FBLN2: variants seen among roughly 807,000 people sequenced by gnomAD.
FBLN2 encodes the protein fibulin-2.
Under a neutral mutation model 123.7 loss-of-function variants are expected in FBLN2, and 81 were observed. That is an observed-to-expected ratio of 0.65 (90% CI 0.55 to 0.79). FBLN2 has a LOEUF of 0.79. Ranked by LOEUF, FBLN2 falls within the 30% of genes least tolerant of loss-of-function variation. The pLI is 0.00. For missense variants in FBLN2, 1,603 were observed against 1,681.3 expected (o/e 0.95, Z 0.81); for synonymous variants, 699 against 701.4 (o/e 1.00, Z 0.05).
chr3:13,626,422 T>C (rs760739237), intron 9 of FBLN2, 23 bp from the exon 10 acceptor site: 65 of 1,555,268 alleles, frequency 4.2e-5, no homozygotes, highest in Non-Finnish European at 5.7e-5. Flanking sequence ...CTGCAGCCTC[T>C]GATGGCCTCG....
chr3:13,627,533 A>T (rs1408158338), intron 10 of FBLN2, among the ~76,000 whole-genome samples: 1 of 152,192 alleles, frequency 6.6e-6, no homozygotes, highest in Non-Finnish European at 1.5e-5. Context: ...CCCTCCTTGT[A>T]AGATGGGGCT....
intron 1 of FBLN2, among the ~76,000 whole-genome samples, chr3:13,555,427 GTTTT>G (rs371110780): frequency 6.7e-6 from 1 of 148,394 alleles, no homozygotes; most frequent in African/African-American, 2.5e-5. Context: ...AGTGTTCCCT[GTTTT>G]TTTTTTATTT....
intron 9 of FBLN2, 39 bp from the exon 10 acceptor site, chr3:13,626,406 G>T: frequency 1.3e-6 from 2 of 1,532,398 alleles, no homozygotes; most frequent in East Asian, 2.4e-5. Flanking sequence ...CACTGTCCTG[G>T]GGACTCTGCA....
intron 2 of FBLN2, among the ~76,000 whole-genome samples, chr3:13,582,427 G>A (rs1403173291): frequency 1.3e-5 from 2 of 152,230 alleles, no homozygotes; most frequent in Non-Finnish European, 2.9e-5. Flanking sequence ...CAGGCTGTGG[G>A]CCTCTAGGAC....
intron 1 of FBLN2, among the ~76,000 whole-genome samples, chr3:13,565,430 G>T (rs1246469533): frequency 6.6e-6 from 1 of 152,212 alleles, no homozygotes; most frequent in Non-Finnish European, 1.5e-5. Flanking sequence ...AATGTCCATT[G>T]TCATTTTGGC....
chr3:13,620,032 G>A (rs1338790284), intron 8 of FBLN2, among the ~76,000 whole-genome samples: 4 of 152,124 alleles, frequency 2.6e-5, no homozygotes, highest in African/African-American at 9.7e-5. Context: ...TGCACTCCAG[G>A]GTGGGCCTGC....
At chr3:13,571,789 A>C (rs1574951379) in intron 2 of FBLN2, 128 bp downstream of exon 2, 9 of 814,146 alleles carry the variant, frequency 1.1e-5, no homozygotes, top group Admixed American at 4.0e-5. Flanking sequence ...TAGGGTGGCC[A>C]CCCCAGGCCC....
At chr3:13,567,831 G>A (rs867926540) in intron 1 of FBLN2, among the ~76,000 whole-genome samples, 3 of 152,142 alleles carry the variant, frequency 2.0e-5, no homozygotes, top group Non-Finnish European at 4.4e-5. Context: ...AGTGGTGTGT[G>A]CCTGTAGTTC....
At chr3:13,573,447 C>G (rs1044297128) in intron 2 of FBLN2, among the ~76,000 whole-genome samples, 6 of 152,116 alleles carry the variant, frequency 3.9e-5, no homozygotes, top group African/African-American at 1.4e-4. Context: ...CTCCTCAGCT[C>G]GTATCACTGC....
rs1039914451 is a variant in FBLN2 at position 13,630,021 on chromosome 3, C to G, written c.2968+76C>G. 1.1e-5 allele frequency: 18 copies of G among 1,569,500 alleles called. No individual in the cohort carries two copies. In the Admixed American group the frequency reaches 2.9e-4, roughly 25 times the overall value. The stretch of plus-strand genomic sequence containing the variant: ...CAGACCCGCCGTGGAAGGCCCAGAG[C>G]CTTCTGTGACCCTTCACCCTTACAC... On this transcript the variant is annotated intron_variant, in intron 14 of 17. Coordinates refer to ENST00000404922, the MANE Select transcript of FBLN2 (RefSeq NM_001004019.2).
intron 4 of FBLN2, 161 bp from the exon 5 acceptor site, chr3:13,613,823 T>G: frequency 3.0e-6 from 2 of 667,996 alleles, no homozygotes; most frequent in Non-Finnish European, 4.8e-6. Flanking sequence ...GTGCCAGACT[T>G]GGGAAATAGA....
chr3:13,596,669 ATCT>A lies in FBLN2; in HGVS notation c.1307-11389_1307-11387del, dbSNP rs563024978. 2.0e-4 allele frequency among the ~76,000 whole-genome samples: 30 copies of A among 152,196 alleles called. No individual in the cohort carries two copies. In the East Asian group the frequency reaches 5.4e-3, roughly 27 times the overall value. On this transcript the variant is annotated intron_variant, in intron 2 of 17. Transcript: ENST00000404922. Reference sequence around the variant, plus strand: ...CACCATCCACCTCCAGAAATTTTTCATCTTCTCAAACTGAAACTCTGTCTCCAT... The same window carrying A: ...CACCATCCACCTCCAGAAATTTTTCATCTCAAACTGAAACTCTGTCTCCAT...
chr3:13,582,019 A>G (rs1214533393), intron 2 of FBLN2, among the ~76,000 whole-genome samples: 1 of 152,024 alleles, frequency 6.6e-6, no homozygotes, highest in Non-Finnish European at 1.5e-5. Context: ...CTGGGCCTCA[A>G]GATTTCTCAT....
intron 4 of FBLN2, among the ~76,000 whole-genome samples, chr3:13,611,436 C>A (rs969832534): frequency 3.9e-5 from 6 of 152,174 alleles, no homozygotes; most frequent in Admixed American, 2.0e-4. Context: ...CCCATTCCCT[C>A]TCCCTGTAGC....
At chr3:13,604,788 G>T (rs1247728271) in intron 2 of FBLN2, among the ~76,000 whole-genome samples, 1 of 152,220 alleles carries the variant, frequency 6.6e-6, no homozygotes, top group African/African-American at 2.4e-5. Context: ...GGTTGTGATG[G>T]AAGCTGTTTT....
chr3:13,612,285 T>TTCC (rs1705416291), intron 4 of FBLN2, among the ~76,000 whole-genome samples: 1 of 150,468 alleles, frequency 6.6e-6, no homozygotes, highest in African/African-American at 2.4e-5. Context: ...TTTTCTTTTC[T>TTCC]TTTATTTTCC....
In FBLN2 at chr3:13,570,921, C is replaced by G. The variant is rs1289630894; in HGVS notation, c.566C>G (p.Pro189Arg). 17 of 1,612,916 alleles carry G rather than the reference C, an allele frequency of 1.1e-5. No individual in the cohort carries two copies. The highest frequency in any genetic ancestry group is 1.1e-5 in the Non-Finnish European group (13 of 1,179,630). ...GNFSDAEEGDPERHYEDPYSY... is the reference protein window; with the variant it reads ...GNFSDAEEGDRERHYEDPYSY... Reference sequence around the variant, plus strand: ...TTCTCAGATGCCGAGGAGGGTGACCCCGAGCGACACTACGAAGACCCCTAC... The same window carrying G: ...TTCTCAGATGCCGAGGAGGGTGACCGCGAGCGACACTACGAAGACCCCTAC... The change falls in exon 2 of 18, where the codon CCC becomes CGC. Residue 189 changes from proline to arginine, a missense_variant. Transcript: ENST00000404922.
chr3:13,621,824 C>G lies in FBLN2; in HGVS notation c.2205C>G (p.Phe735Leu), dbSNP rs1426963104. The G allele has an allele frequency of 1.9e-5, 31 of 1,614,028 alleles. No individual in the cohort carries two copies. Among genetic ancestry groups the G allele is most frequent in the Non-Finnish European group, 2.5e-5 (30 of 1,179,876 alleles). ...MGAHDCSRRQ[F>L]CVNTLGSFYC... ...CTCACGATTGTAGCCGGCGACAGTT[C>G]TGTGTGAACACCCTGGGATCCTTCT... The change falls in exon 9 of 18, where the codon TTC (phenylalanine) becomes TTG (leucine). Residue 735 changes from phenylalanine (F) to leucine (L), a missense_variant. Transcript: ENST00000404922.
intron 2 of FBLN2, among the ~76,000 whole-genome samples, chr3:13,572,764 T>C (rs1400869570): frequency 6.6e-6 from 1 of 152,218 alleles, no homozygotes; most frequent in East Asian, 1.9e-4. Context: ...AGAGCCGTCC[T>C]CAAAGGGCGC....
Sources: gnomAD v4.1 joint callset for allele counts (sites outside exome capture counted in the v4.1 genomes callset) on GRCh38, gnomAD v4.1.1 for gene constraint, MANE v1.5 for transcripts, NCBI Gene and HGNC (gene_info 2026-07-23, HGNC 2026-07-21) for gene names.